Variants in SKAP1 observed in about 807,000 individuals in gnomAD.
The protein encoded by SKAP1 is src kinase-associated phosphoprotein 1.
SKAP1 carries 44 observed loss-of-function variants against 58.5 expected under a neutral mutation model. That is an observed-to-expected ratio of 0.75 (90% CI 0.59 to 0.97). SKAP1 has a LOEUF of 0.97. SKAP1 is among the 50% of genes least tolerant of loss of function. The pLI is 0.00. For missense variants in SKAP1, 390 were observed against 435.2 expected (o/e 0.90, Z 0.92); for synonymous variants, 127 against 149.7 (o/e 0.85, Z 1.11).
chr17:48,158,768 G>T (rs1030991550), intron 11 of SKAP1, among the ~76,000 whole-genome samples: 12 of 151,316 alleles, frequency 7.9e-5, no homozygotes, highest in Admixed American at 2.6e-4. Flanking sequence ...AGACCATCCT[G>T]GCTAACACGG....
intron 11 of SKAP1, among the ~76,000 whole-genome samples, chr17:48,138,527 G>A (rs982414528): frequency 3.3e-5 from 5 of 151,770 alleles, no homozygotes; most frequent in African/African-American, 4.8e-5. Context: ...GCACCACCAC[G>A]CCCGGCTAAT....
chr17:48,245,287 A>AT (rs200598480), intron 4 of SKAP1, among the ~76,000 whole-genome samples: 49 of 151,600 alleles, frequency 3.2e-4, no homozygotes, highest in Admixed American at 1.8e-3. Flanking sequence ...CCACAATCTG[A>AT]TTTTTTTTTC....
chr17:48,257,127 AT>A (rs527479306), intron 4 of SKAP1, among the ~76,000 whole-genome samples: 233 of 147,508 alleles, frequency 1.6e-3, no homozygotes, highest in Admixed American at 8.1e-3. Context: ...GTCATTTAAA[AT>A]TTTTTTTTTT....
chr17:48,386,302 A>C (rs2067275421), intron 2 of SKAP1, among the ~76,000 whole-genome samples: 1 of 140,712 alleles, frequency 7.1e-6, no homozygotes, highest in Non-Finnish European at 1.5e-5. Context: ...GCACCATGCT[A>C]GACCTTTTTT....
intron 1 of SKAP1, among the ~76,000 whole-genome samples, chr17:48,415,715 T>G (rs1052825431): frequency 8.5e-5 from 13 of 152,070 alleles, no homozygotes; most frequent in Non-Finnish European, 1.8e-4. Context: ...ATTCCTGCCC[T>G]CATTCTGTCC....
intron 3 of SKAP1, among the ~76,000 whole-genome samples, chr17:48,360,143 A>T (rs571193550): frequency 1.4e-4 from 22 of 152,146 alleles, no homozygotes; most frequent in South Asian, 4.1e-4. Flanking sequence ...ACCACTGGAT[A>T]AAAAAAAGAT....
chr17:48,328,244 T>C (rs887615714), intron 4 of SKAP1, among the ~76,000 whole-genome samples: 1 of 152,210 alleles, frequency 6.6e-6, no homozygotes, highest in Non-Finnish European at 1.5e-5. Context: ...TTTTAAAGTG[T>C]AAAGTGCTAT....
chr17:48,195,430 C>T (rs987601602), intron 4 of SKAP1, among the ~76,000 whole-genome samples: 23 of 152,180 alleles, frequency 1.5e-4, no homozygotes, highest in African/African-American at 5.1e-4. Flanking sequence ...TTATACCACA[C>T]ATTTTTCTTG....
chr17:48,421,886 T>C (rs2067798526), intron 1 of SKAP1, among the ~76,000 whole-genome samples: 1 of 152,114 alleles, frequency 6.6e-6, no homozygotes, highest in African/African-American at 2.4e-5. Context: ...ATCACTAGAC[T>C]CTGAAGGAAA....
intron 4 of SKAP1, among the ~76,000 whole-genome samples, chr17:48,293,319 C>T (rs2065922263): frequency 6.6e-6 from 1 of 152,124 alleles, no homozygotes; most frequent in African/African-American, 2.4e-5. Flanking sequence ...GAATGTTCTT[C>T]TGTGGTCTTC....
chr17:48,166,746 G>T (rs1282951841), intron 10 of SKAP1, among the ~76,000 whole-genome samples: 1 of 152,206 alleles, frequency 6.6e-6, no homozygotes, highest in Non-Finnish European at 1.5e-5. Flanking sequence ...GGATGGGATG[G>T]TAAGACTTGG....
intron 4 of SKAP1, among the ~76,000 whole-genome samples, chr17:48,257,213 A>G (rs1347606168): frequency 6.6e-6 from 1 of 152,030 alleles, no homozygotes; most frequent in African/African-American, 2.4e-5. Flanking sequence ...TACTGACTGT[A>G]GCTTGAGGTT....
chr17:48,259,402 T>C (rs12940931), intron 4 of SKAP1, among the ~76,000 whole-genome samples: 30,983 of 152,038 alleles, frequency 0.2, 3,176 homozygotes, highest in Admixed American at 0.22. Context: ...AAATTACAAA[T>C]ACACACAGTG....
chr17:48,380,438 C>CA (rs1017688891), intron 2 of SKAP1: 1 of 151,618 alleles, frequency 6.6e-6, no homozygotes, highest in South Asian at 2.1e-4. Context: ...ACCTCAAAAA[C>CA]AAAAAACAAA....
intron 4 of SKAP1, among the ~76,000 whole-genome samples, chr17:48,194,183 A>C (rs1301515357): frequency 3.9e-5 from 6 of 152,330 alleles, no homozygotes; most frequent in Non-Finnish European, 8.8e-5. Flanking sequence ...CCACAAAGAT[A>C]AGATCAACAG....
At chr17:48,169,374 G>A (rs1598390508) in intron 10 of SKAP1, among the ~76,000 whole-genome samples, 1 of 152,218 alleles carries the variant, frequency 6.6e-6, no homozygotes, top group Admixed American at 6.5e-5. Context: ...GGTGATGGAA[G>A]TTGGTTGAGA....
chr17:48,204,980 T>TTCTTTG (rs2064780635), intron 4 of SKAP1, among the ~76,000 whole-genome samples: 1 of 55,586 alleles, frequency 1.8e-5, no homozygotes, highest in Admixed American at 1.8e-4. Flanking sequence ...TTCTTTTCTT[T>TTCTTTG]CTTTCTTTCT....
At chr17:48,168,503 A>G (rs2064168420) in intron 10 of SKAP1, among the ~76,000 whole-genome samples, 1 of 152,048 alleles carries the variant, frequency 6.6e-6, no homozygotes, top group Non-Finnish European at 1.5e-5. Flanking sequence ...CTAAAAGTAC[A>G]AAAATTAGCC....
At chr17:48,361,665 A>G (rs2066940766) in intron 3 of SKAP1, among the ~76,000 whole-genome samples, 1 of 152,174 alleles carries the variant, frequency 6.6e-6, no homozygotes, top group Admixed American at 6.5e-5. Flanking sequence ...GAGTTAATAA[A>G]ATTCATCCCA....
Sources: allele counts gnomAD v4.1 joint callset (sites outside exome capture counted in the v4.1 genomes callset), GRCh38; gene constraint gnomAD v4.1.1; transcripts MANE v1.5; gene names NCBI Gene and HGNC (gene_info 2026-07-23, HGNC 2026-07-21).